The following POLR3A variants were observed in gnomAD, a reference collection of about 807,000 sequenced individuals.
POLR3A encodes RNA polymerase III subunit A.
POLR3A carries 112 observed loss-of-function variants against 152.8 expected under a neutral mutation model. The observed-to-expected ratio is 0.73, with a 90% CI of 0.63 to 0.86. The LOEUF (loss-of-function observed/expected upper bound fraction) is 0.86, where lower values mean the gene tolerates loss of function less well. Ranked by LOEUF, POLR3A falls within the 40% of genes least tolerant of loss-of-function variation. The probability of loss-of-function intolerance (pLI) is 0.00; values close to 1 mark genes in which losing one functional copy is unlikely to be tolerated. For synonymous variants in POLR3A, 615 were observed against 652.1 expected (o/e 0.94, Z 0.87); for missense variants, 1,385 against 1,743.1 (o/e 0.79, Z 3.66).
At chr10:77,980,854 C>T (rs1213330447) in intron 29 of POLR3A, among the ~76,000 whole-genome samples, 1 of 152,146 alleles carries the variant, frequency 6.6e-6, no homozygotes, top group African/African-American at 2.4e-5. Flanking sequence ...CCATTTCCCT[C>T]ACCTGGTTTC....
rs1221100743 is a variant in POLR3A at position 78,024,957 on chromosome 10, T to C, written c.490+14A>G. ...AAAAGGGCTATTGCTTAGCCTTCTG[T>C]GCATTCCACTCACCATTAAAAGCGC... On this transcript the variant is annotated intron_variant, in intron 4 of 30. Coordinates refer to ENST00000372371, the MANE Select transcript of POLR3A (RefSeq NM_007055.4). The C allele has an allele frequency of 6.2e-7, 1 of 1,613,708 alleles. No individual in the cohort carries two copies. The highest frequency in any genetic ancestry group is 8.5e-7 in the Non-Finnish European group (1 of 1,179,604).
intron 19 of POLR3A, among the ~76,000 whole-genome samples, chr10:77,995,858 A>G (rs1282124107): frequency 2.0e-5 from 3 of 152,224 alleles, no homozygotes; most frequent in African/African-American, 4.8e-5. Context: ...CAGAATATAC[A>G]TTCTTTTCAG....
intron 18 of POLR3A, 132 bp downstream of exon 18, chr10:78,000,844 T>C (rs1847349961): frequency 6.0e-6 from 4 of 665,732 alleles, no homozygotes; most frequent in Non-Finnish European, 1.1e-5. Context: ...CTTAATAAAA[T>C]GGCAAAAAAT....
intron 9 of POLR3A, among the ~76,000 whole-genome samples, chr10:78,018,344 C>T (rs1407855819): frequency 6.6e-6 from 1 of 151,510 alleles, no homozygotes; most frequent in East Asian, 1.9e-4. Context: ...ACTAAAAATA[C>T]AAAAATTAGT....
chr10:78,027,154 T>A (rs990671756), intron 1 of POLR3A, among the ~76,000 whole-genome samples: 1 of 152,122 alleles, frequency 6.6e-6, no homozygotes, highest in Non-Finnish European at 1.5e-5. Flanking sequence ...AGCCTCACTG[T>A]AAAACTGACA....
chr10:78,018,916 T>C (rs903479072), intron 9 of POLR3A, among the ~76,000 whole-genome samples: 3 of 152,178 alleles, frequency 2.0e-5, no homozygotes, highest in Non-Finnish European at 2.9e-5. Context: ...TTAGTATCCA[T>C]GGTATTTTGT....
chr10:77,988,347 C>T (rs1847216776), intron 21 of POLR3A, among the ~76,000 whole-genome samples: 4 of 151,958 alleles, frequency 2.6e-5, no homozygotes, highest in Admixed American at 2.6e-4. Context: ...CAAGGTGAAA[C>T]CCCGTCTCTA....
intron 3 of POLR3A, 148 bp downstream of exon 3, chr10:78,025,474 C>T (rs866880124): frequency 1.0e-5 from 8 of 786,930 alleles, no homozygotes; most frequent in Middle Eastern, 2.2e-4. Context: ...AGTGATTTAA[C>T]GTAGTGTGAG....
intron 1 of POLR3A, 131 bp downstream of exon 1, chr10:78,029,233 G>T (rs1229404307): frequency 4.4e-5 from 41 of 922,698 alleles, no homozygotes; most frequent in Non-Finnish European, 6.2e-5. Context: ...CTGGGCGCTG[G>T]TCACACCTAT....
chr10:78,010,130 C>A (rs1847452481), intron 12 of POLR3A, 139 bp from the exon 13 acceptor site: 3 of 1,122,106 alleles, frequency 2.7e-6, no homozygotes, highest in Non-Finnish European at 3.9e-6. Context: ...GCTTTCTCCT[C>A]CAACTAGGAT....
chr10:78,020,320 C>T (rs1284771501), intron 8 of POLR3A: 1 of 152,010 alleles, frequency 6.6e-6, no homozygotes, highest in Non-Finnish European at 1.5e-5. Context: ...AATCCCATCT[C>T]TAAAAAATTT....
chr10:77,975,855 G>A lies in POLR3A; in HGVS notation c.*1623C>T, dbSNP rs933519645. The A allele has an allele frequency of 6.6e-6, 1 of 151,774 alleles. No homozygotes were observed. The highest frequency in any genetic ancestry group is 2.4e-5 in the African/African-American group (1 of 41,252). The allele number at this position is 151,774 out of a possible 1,614,324, so 9.4% of individuals were successfully genotyped here. ...GTTGGGGTGGGGGGTACCCCTTTAT[G>A]GCTCTTCCCAGGTTACATGAGAACT... On this transcript the variant is annotated 3_prime_UTR_variant, in exon 31 of 31. Coordinates refer to ENST00000372371, the MANE Select transcript of POLR3A (RefSeq NM_007055.4).
At chr10:78,012,753 G>C (rs1847478802) in intron 11 of POLR3A, among the ~76,000 whole-genome samples, 1 of 151,550 alleles carries the variant, frequency 6.6e-6, no homozygotes, top group South Asian at 2.1e-4. Flanking sequence ...ACAGGGTCTT[G>C]CTCTGTTGCC....
intron 26 of POLR3A, 87 bp from the exon 27 acceptor site, chr10:77,982,904 T>C: frequency 7.9e-7 from 1 of 1,272,010 alleles, no homozygotes; most frequent in Non-Finnish European, 1.1e-6. Context: ...GTCCTTTTAG[T>C]CAGGTTTGTT....
intron 10 of POLR3A, among the ~76,000 whole-genome samples, chr10:78,016,522 A>C (rs1193938810): frequency 6.6e-6 from 1 of 151,812 alleles, no homozygotes; most frequent in South Asian, 2.1e-4. Flanking sequence ...GAGACCAGCC[A>C]GGCCAACATG....
chr10:77,994,096 C>T (rs151067457), intron 19 of POLR3A, among the ~76,000 whole-genome samples: 26 of 152,264 alleles, frequency 1.7e-4, no homozygotes, highest in African/African-American at 6.3e-4. Context: ...CACATTATGA[C>T]AAGAGTGGTA....
At position 78,010,467 on chromosome 10, in the gene POLR3A, C is replaced by T. The variant is rs750302831; in HGVS notation, c.1642+4G>A. On this transcript the variant is annotated splice_donor_region_variant and intron_variant, in intron 12 of 30. Coordinates refer to ENST00000372371, the MANE Select transcript of POLR3A (RefSeq NM_007055.4). ...CTCCTTTCAAGTGAACTTCACCAAC[C>T]TACCTGTTAGAAAATCCTGAATAGC... 13 of 1,609,542 alleles carry T rather than the reference C, an allele frequency of 8.1e-6. No individual in the cohort carries two copies. Among genetic ancestry groups the T allele is most frequent in the Non-Finnish European group, 1.1e-5 (13 of 1,175,758 alleles).
chr10:78,004,660 C>A, intron 16 of POLR3A, 56 bp downstream of exon 16: 1 of 1,393,790 alleles, frequency 7.2e-7, no homozygotes, highest in Non-Finnish European at 1.0e-6. Context: ...CAGAGAGCAC[C>A]ACCGTAGCCA....
chr10:78,018,470 G>A lies in POLR3A; in HGVS notation c.1289+692C>T, dbSNP rs1189343180. On this transcript the variant is annotated intron_variant, in intron 9 of 30. Transcript: ENST00000372371. Reference sequence around the variant, plus strand: ...GTCAAGATCGTGCCACTACTCTCCAGCCTGGGTAACACAGCAAGACTCTGT... The same window carrying A: ...GTCAAGATCGTGCCACTACTCTCCAACCTGGGTAACACAGCAAGACTCTGT... 1.4e-4 allele frequency among the ~76,000 whole-genome samples: 21 copies of A among 150,524 alleles called. No individual in the cohort carries two copies. In the East Asian group the frequency reaches 4.1e-3, roughly 29 times the overall value.
Sources: allele counts gnomAD v4.1 joint callset (sites outside exome capture counted in the v4.1 genomes callset), GRCh38; gene constraint gnomAD v4.1.1; transcripts MANE v1.5; gene names NCBI Gene and HGNC (gene_info 2026-07-23, HGNC 2026-07-21).